The following GHR variants were observed in gnomAD, a reference collection of about 807,000 sequenced individuals.
GHR encodes growth hormone receptor, also known as GH receptor.
GHR carries 35 observed loss-of-function variants against 67.1 expected under a neutral mutation model. The observed-to-expected ratio is 0.52, with a 90% confidence interval of 0.40 to 0.69. GHR has a LOEUF of 0.69. Ranked by LOEUF, GHR falls within the 30% of genes least tolerant of loss-of-function variation. GHR has a pLI of 0.00. For synonymous variants in GHR, 272 were observed against 269.1 expected, an observed-to-expected ratio of 1.01 and a Z score of -0.10; for missense variants, 792 against 764.6, an observed-to-expected ratio of 1.04 and a Z score of -0.42.
intron 3 of GHR, among the ~76,000 whole-genome samples, chr5:42,686,961 A>G (rs1325634331): frequency 6.6e-6 from 1 of 152,244 alleles, no homozygotes; most frequent in Non-Finnish European, 1.5e-5. Flanking sequence ...CCTTAAGCTG[A>G]TAAGCAACTT....
At chr5:42,498,943 A>G (rs1032208546) in intron 1 of GHR, among the ~76,000 whole-genome samples, 4 of 152,214 alleles carry the variant, frequency 2.6e-5, no homozygotes, top group Non-Finnish European at 2.9e-5. Context: ...AAACTCTTAC[A>G]GGCCTCTCTT....
chr5:42,655,268 A>T (rs1025417642), intron 3 of GHR, among the ~76,000 whole-genome samples: 2 of 152,032 alleles, frequency 1.3e-5, no homozygotes, highest in African/African-American at 2.4e-5. Context: ...TATTTTTCAC[A>T]CCTTTGTGCT....
intron 2 of GHR, among the ~76,000 whole-genome samples, chr5:42,566,976 A>T (rs1399401305): frequency 1.3e-5 from 2 of 152,246 alleles, no homozygotes; most frequent in African/African-American, 4.8e-5. Flanking sequence ...AAAGCAATTT[A>T]AAAATATTTA....
chr5:42,460,633 G>A (rs964876500), intron 1 of GHR, among the ~76,000 whole-genome samples: 2 of 152,130 alleles, frequency 1.3e-5, no homozygotes, highest in Admixed American at 6.5e-5. Flanking sequence ...CAGTAATTTT[G>A]TATGTTAAAC....
At chr5:42,496,345 T>A (rs1043070645) in intron 1 of GHR, among the ~76,000 whole-genome samples, 2 of 152,206 alleles carry the variant, frequency 1.3e-5, no homozygotes, top group Non-Finnish European at 2.9e-5. Context: ...TGACTTGTTC[T>A]CTCTTAGGAG....
rs1261263598 is a variant in GHR at position 42,629,816 on chromosome 5, T to A, written c.136+713T>A. 3.0e-5 allele frequency among the ~76,000 whole-genome samples: 4 copies of A among 132,230 alleles called. 1 individual carries two copies. Among genetic ancestry groups the A allele is most frequent in the African/African-American group, 1.3e-4 (4 of 31,372 alleles). The allele number at this position is 132,230 out of a possible 152,430, so 86.7% of individuals were successfully genotyped here. On this transcript the variant is annotated intron_variant, in intron 3 of 9. Coordinates refer to ENST00000230882, the MANE Select transcript of GHR (RefSeq NM_000163.5). ...ACTGCCTCTTTTTATAAATTCTTTT[T>A]AAAATTATTTTCATTATTATCTTGA... is the stretch of plus-strand genomic sequence containing the variant.
At chr5:42,685,692 C>T (rs374626214) in intron 3 of GHR, among the ~76,000 whole-genome samples, 108 of 152,210 alleles carry the variant, frequency 7.1e-4, no homozygotes, top group Middle Eastern at 3.4e-3. Flanking sequence ...CTCTGATGAC[C>T]GGTGATGACG....
intron 1 of GHR, among the ~76,000 whole-genome samples, chr5:42,476,194 C>T (rs553091990): frequency 1.3e-5 from 2 of 151,152 alleles, no homozygotes; most frequent in South Asian, 2.1e-4. Flanking sequence ...TGAGCCACCG[C>T]GCCCGGCTTT....
chr5:42,474,450 G>C (rs564024859), intron 1 of GHR, among the ~76,000 whole-genome samples: 1 of 152,268 alleles, frequency 6.6e-6, no homozygotes, highest in South Asian at 2.1e-4. Flanking sequence ...TCTACCTGCT[G>C]TCTGGTGAGT....
At chr5:42,688,496 C>G (rs1309887644) in intron 3 of GHR, among the ~76,000 whole-genome samples, 1 of 152,174 alleles carries the variant, frequency 6.6e-6, no homozygotes, top group Non-Finnish European at 1.5e-5. Context: ...ACTGTGATAA[C>G]CAGCTCAGAA....
At position 42,665,512 on chromosome 5, in the gene GHR, C is replaced by T. The variant is rs908011817; in HGVS notation, c.137-23378C>T. On this transcript the variant is annotated intron_variant, in intron 3 of 9. Coordinates refer to ENST00000230882, the MANE Select transcript of GHR (RefSeq NM_000163.5). ...ATCGCAAGAACAAAAAACCAAACAC[C>T]GCATATTCTCACTCATAGGTGGGAA... Among the ~76,000 whole-genome samples, 5 of 151,776 alleles carry T rather than the reference C, an allele frequency of 3.3e-5. No individual in the cohort carries two copies. In the South Asian group the frequency reaches 6.3e-4, roughly 19 times the overall value.
chr5:42,438,024 T>C (rs966187747), intron 1 of GHR, among the ~76,000 whole-genome samples: 4 of 152,230 alleles, frequency 2.6e-5, no homozygotes, highest in Non-Finnish European at 4.4e-5. Context: ...TCAGGCTCAC[T>C]TTAGTAACTG....
intron 7 of GHR, 85 bp from the exon 8 acceptor site, chr5:42,713,344 A>T (rs1197564480): frequency 2.9e-5 from 22 of 748,998 alleles, no homozygotes; most frequent in Non-Finnish European, 4.4e-5. Flanking sequence ...CAAATTATGA[A>T]TTTTTTGTGA....
intron 3 of GHR, among the ~76,000 whole-genome samples, chr5:42,632,778 TAAG>T (rs1216120160): frequency 6.6e-6 from 1 of 152,206 alleles, no homozygotes; most frequent in Non-Finnish European, 1.5e-5. Context: ...AGACTTAGGA[TAAG>T]AAGAATGTTA....
chr5:42,676,504 A>G (rs1207630628), intron 3 of GHR, among the ~76,000 whole-genome samples: 1 of 152,156 alleles, frequency 6.6e-6, no homozygotes, highest in African/African-American at 2.4e-5. Context: ...TGCCATCATT[A>G]TTTAAAGCCT....
intron 1 of GHR, chr5:42,466,829 C>T: frequency 1.6e-6 from 2 of 1,222,446 alleles, no homozygotes; most frequent in Non-Finnish European, 2.2e-6. Context: ...AAAGAGGTGT[C>T]TCATTTGGGA....
chr5:42,569,629 T>C (rs1414062943), intron 2 of GHR, among the ~76,000 whole-genome samples: 1 of 152,188 alleles, frequency 6.6e-6, no homozygotes, highest in Non-Finnish European at 1.5e-5. Flanking sequence ...GATATTCATA[T>C]GTAACATATA....
At chr5:42,583,984 T>C (rs1751340225) in intron 2 of GHR, among the ~76,000 whole-genome samples, 1 of 151,840 alleles carries the variant, frequency 6.6e-6, no homozygotes, top group African/African-American at 2.4e-5. Flanking sequence ...CACTGTGTTC[T>C]CCTACTGTTC....
chr5:42,537,633 C>T (rs1175961552), intron 1 of GHR, among the ~76,000 whole-genome samples: 1 of 152,072 alleles, frequency 6.6e-6, no homozygotes, highest in East Asian at 1.9e-4. Context: ...GTGTATTCTG[C>T]AGTTGTTGGA....
Sources: gnomAD v4.1 joint callset for allele counts (sites outside exome capture counted in the v4.1 genomes callset) on GRCh38, gnomAD v4.1.1 for gene constraint, MANE v1.5 for transcripts, NCBI Gene and HGNC (gene_info 2026-07-23, HGNC 2026-07-21) for gene names.